Variants in GRIK1 observed in about 807,000 individuals in gnomAD.
GRIK1 encodes glutamate ionotropic receptor kainate type subunit 1, also known as glutamate receptor ionotropic, kainate 1.
In GRIK1, 69 loss-of-function variants were observed where a neutral mutation model predicts 105.7. The observed-to-expected ratio is 0.65, with a 90% confidence interval of 0.54 to 0.80. GRIK1 has a LOEUF of 0.80. GRIK1 is among the 30% of genes least tolerant of loss of function. The probability of loss-of-function intolerance (pLI) is 0.00; values close to 1 mark genes in which losing one functional copy is unlikely to be tolerated. For missense variants in GRIK1, 1,109 were observed against 1,167.3 expected, an observed-to-expected ratio of 0.95 and a Z score of 0.73; for synonymous variants, 438 against 431.3, an observed-to-expected ratio of 1.02 and a Z score of -0.19.
At chr21:29,932,655 T>C (rs1261673923) in intron 1 of GRIK1, among the ~76,000 whole-genome samples, 1 of 152,014 alleles carries the variant, frequency 6.6e-6, no homozygotes, top group Non-Finnish European at 1.5e-5. Flanking sequence ...AGTTTCCAAT[T>C]TGATACAACT....
intron 1 of GRIK1, among the ~76,000 whole-genome samples, chr21:29,867,204 G>A (rs973299801): frequency 1.3e-5 from 2 of 152,140 alleles, no homozygotes; most frequent in African/African-American, 2.4e-5. Context: ...GCCTCTTAGT[G>A]TGGAGCTGCT....
intron 1 of GRIK1, among the ~76,000 whole-genome samples, chr21:29,718,673 G>A (rs958300744): frequency 3.3e-5 from 5 of 152,312 alleles, no homozygotes; most frequent in East Asian, 3.9e-4. Context: ...TTGGAAAGCG[G>A]CAGGTGCACA....
intron 1 of GRIK1, among the ~76,000 whole-genome samples, chr21:29,729,283 C>T (rs2064550213): frequency 6.6e-6 from 1 of 152,016 alleles, no homozygotes; most frequent in South Asian, 2.1e-4. Flanking sequence ...TTATTTCATG[C>T]CGGAAGAAGC....
In GRIK1 at chr21:29,561,808, C is replaced by T. The variant is rs1305564151; in HGVS notation, c.2172G>A (p.Met724Ile). Residue 724 changes from methionine (M) to isoleucine (I), a missense_variant, in exon 15 of 18, where the codon ATG becomes ATA. Physicochemically the swap from Met to Ile is conservative, Grantham distance 10 (BLOSUM62 1). Transcript: ENST00000327783. ...ISTYEKMWAF[M>I]SSRQQTALVR... is the part of the protein sequence containing the mutation. ...CCAGGGCGGTCTGCTGCCTGCTGCT[C>T]ATGAAAGCCCACATCTTCTCATAGG... The T allele has an allele frequency of 6.2e-7, 1 of 1,613,824 alleles. No homozygotes were observed. The highest frequency in any genetic ancestry group is 8.5e-7 in the Non-Finnish European group (1 of 1,179,858).
chr21:29,654,202 T>C (rs1295771724), intron 5 of GRIK1, among the ~76,000 whole-genome samples: 2 of 152,228 alleles, frequency 1.3e-5, no homozygotes, highest in Admixed American at 1.3e-4. Flanking sequence ...TCACATCATT[T>C]TGATGTGTTA....
intron 4 of GRIK1, among the ~76,000 whole-genome samples, chr21:29,664,846 G>A (rs767021110): frequency 2.0e-5 from 3 of 151,980 alleles, no homozygotes; most frequent in Admixed American, 6.6e-5. Context: ...AAAATCTGAC[G>A]GACACTACAA....
chr21:29,687,283 G>A (rs1381347758), intron 3 of GRIK1, among the ~76,000 whole-genome samples: 1 of 152,108 alleles, frequency 6.6e-6, no homozygotes, highest in African/African-American at 2.4e-5. Context: ...CTTAATTCTG[G>A]TGTAGGGGCG....
intron 7 of GRIK1, among the ~76,000 whole-genome samples, chr21:29,633,363 G>A (rs1054651398): frequency 1.3e-5 from 2 of 152,134 alleles, no homozygotes; most frequent in African/African-American, 4.8e-5. Flanking sequence ...GCCAGGCGTG[G>A]TGGCGCACGC....
intron 1 of GRIK1, among the ~76,000 whole-genome samples, chr21:29,935,825 A>C (rs2146375807): frequency 6.6e-6 from 1 of 152,322 alleles, no homozygotes; most frequent in Admixed American, 6.5e-5. Context: ...GATTACTGCT[A>C]GTTCACAGAT....
At chr21:29,834,601 T>G (rs996945213) in intron 1 of GRIK1, among the ~76,000 whole-genome samples, 1 of 150,880 alleles carries the variant, frequency 6.6e-6, no homozygotes, top group Non-Finnish European at 1.5e-5. Flanking sequence ...TGGATTCAAA[T>G]CATGGCTCTG....
At chr21:29,738,704 T>C (rs1340694312) in intron 1 of GRIK1, among the ~76,000 whole-genome samples, 2 of 152,228 alleles carry the variant, frequency 1.3e-5, no homozygotes, top group Non-Finnish European at 2.9e-5. Flanking sequence ...TACAAGGTGA[T>C]TATTTTTAAT....
At chr21:29,868,450 T>C (rs1487082125) in intron 1 of GRIK1, among the ~76,000 whole-genome samples, 1 of 152,210 alleles carries the variant, frequency 6.6e-6, no homozygotes, top group Non-Finnish European at 1.5e-5. Context: ...CGGTATAATG[T>C]GGATGGATCT....
chr21:29,846,646 T>G (rs2146026898), intron 1 of GRIK1, among the ~76,000 whole-genome samples: 1 of 152,306 alleles, frequency 6.6e-6, no homozygotes, highest in East Asian at 1.9e-4. Flanking sequence ...ATAGCAGGAC[T>G]TTGCAGTATT....
chr21:29,537,471 C>T, intron 17 of GRIK1, 86 bp from the exon 18 acceptor site: 1 of 1,088,412 alleles, frequency 9.2e-7, no homozygotes, highest in Non-Finnish European at 1.3e-6. Flanking sequence ...TATTTATGAA[C>T]ACAAGATATT....
chr21:29,861,583 A>G (rs55707309), intron 1 of GRIK1: 99,489 of 355,576 alleles, frequency 0.28, 16,079 homozygotes, highest in African/African-American at 0.49. Flanking sequence ...GTGGGATTAT[A>G]GGTGTGAGCC....
At position 29,598,850 on chromosome 21, in the gene GRIK1, T is replaced by G; in HGVS notation, c.1186A>C (p.Lys396Gln). The change falls in exon 8 of 18, where the codon AAA becomes CAA. Residue 396 changes from lysine to glutamine, a missense_variant. Physicochemically the swap from Lys to Gln is moderately conservative, Grantham distance 53 (BLOSUM62 1). This residue lies in a region of GRIK1 where 612 missense variants were observed against 586.0 expected (regional missense o/e 1.04). Transcript: ENST00000327783. ...KDFDLDIISL[K>Q]EEGTEKAAGE... ...GTTACCTTTTCAGTTCCTTCCTCTT[T>G]GAGACTAATAATGTCCAGATCAAAA... 2 of 1,512,878 alleles carry G rather than the reference T, an allele frequency of 1.3e-6. No individual in the cohort carries two copies. The highest frequency in any genetic ancestry group is 1.8e-6 in the Non-Finnish European group (2 of 1,091,674). The allele number at this position is 1,512,878 out of a possible 1,614,324, so 93.7% of individuals were successfully genotyped here.
intron 1 of GRIK1, among the ~76,000 whole-genome samples, chr21:29,925,741 G>C (rs892988297): frequency 6.6e-6 from 1 of 152,046 alleles, no homozygotes; most frequent in Non-Finnish European, 1.5e-5. Flanking sequence ...CTCACTTTTT[G>C]CATCTGATAT....
At chr21:29,884,364 G>T (rs2069530184) in intron 1 of GRIK1, among the ~76,000 whole-genome samples, 1 of 151,962 alleles carries the variant, frequency 6.6e-6, no homozygotes, top group Non-Finnish European at 1.5e-5. Context: ...GAATTAACCA[G>T]AGTCTACTTA....
At chr21:29,780,101 C>T (rs2066053745) in intron 1 of GRIK1, among the ~76,000 whole-genome samples, 1 of 152,190 alleles carries the variant, frequency 6.6e-6, no homozygotes, top group Non-Finnish European at 1.5e-5. Context: ...TAAATAGATA[C>T]TACCTCTTAA....
Sources: allele counts gnomAD v4.1 joint callset (sites outside exome capture counted in the v4.1 genomes callset), GRCh38; gene constraint gnomAD v4.1.1; regional missense constraint gnomAD v4.1.1; transcripts MANE v1.5; gene names NCBI Gene and HGNC (gene_info 2026-07-23, HGNC 2026-07-21).